ADGRL3: variants seen among roughly 807,000 people sequenced by gnomAD.
ADGRL3 encodes calcium-independent alpha-latrotoxin receptor 3.
Under a neutral mutation model 153.5 loss-of-function variants are expected in ADGRL3, and 62 were observed. The ratio of observed to expected loss-of-function variants is 0.40; its 90% CI spans 0.33 to 0.50. The LOEUF (loss-of-function observed/expected upper bound fraction) is 0.50. Among genes scored for constraint, ADGRL3 ranks in the 20% least tolerant of loss-of-function variants. The probability of loss-of-function intolerance (pLI) is 0.47; values close to 1 mark genes in which losing one functional copy is unlikely to be tolerated. For synonymous variants in ADGRL3, 710 were observed against 672.5 expected (o/e 1.06, Z -0.86); for missense variants, 1,641 against 1,859.4 (o/e 0.88, Z 2.16).
intron 6 of ADGRL3, among the ~76,000 whole-genome samples, chr4:61,695,435 T>G (rs2095623681): frequency 6.6e-6 from 1 of 152,192 alleles, no homozygotes; most frequent in Admixed American, 6.5e-5. Context: ...TCTCTTTTTC[T>G]GAGTAGCAGG....
intron 17 of ADGRL3, among the ~76,000 whole-genome samples, chr4:61,957,994 G>A (rs1581633252): frequency 1.3e-5 from 2 of 152,116 alleles, no homozygotes; most frequent in African/African-American, 4.8e-5. Flanking sequence ...AGAAATTGCT[G>A]CAGTTGTGCA....
At chr4:62,048,684 G>A (rs924193896) in intron 25 of ADGRL3, among the ~76,000 whole-genome samples, 1 of 151,856 alleles carries the variant, frequency 6.6e-6, no homozygotes, top group African/African-American at 2.4e-5. Context: ...AGGGTCCTGA[G>A]TAGCTAGAAC....
chr4:61,834,873 T>C (rs1240785112), intron 9 of ADGRL3, among the ~76,000 whole-genome samples: 1 of 152,122 alleles, frequency 6.6e-6, no homozygotes, highest in Non-Finnish European at 1.5e-5. Flanking sequence ...AAACCCAAAG[T>C]CAATCAGCGC....
At chr4:61,677,480 A>G in intron 6 of ADGRL3, 1 of 260,636 alleles carries the variant, frequency 3.8e-6, no homozygotes, top group Non-Finnish European at 7.5e-6. Context: ...TGTCTTTGCA[A>G]TGTTTTTATC....
rs113195495 is a variant in ADGRL3, at chr4:61,530,250, G to A, written c.259+12732G>A. Among the ~76,000 whole-genome samples, 120 of 152,160 alleles carry A rather than the reference G, an allele frequency of 7.9e-4. 1 individual carries two copies. The highest frequency in any genetic ancestry group is 2.7e-3 in the African/African-American group (114 of 41,548). On this transcript the variant is annotated intron_variant, in intron 4 of 26. Coordinates refer to ENST00000683033, the MANE Select transcript of ADGRL3 (RefSeq NM_001387552.1). The stretch of plus-strand genomic sequence containing the variant: ...AAGGGTAGTGAAGAAAATGCAGATA[G>A]CATTTCTGACTGTCTCTGCTGGTCA...
chr4:61,811,592 A>C (rs939918922), intron 8 of ADGRL3, among the ~76,000 whole-genome samples: 3 of 152,116 alleles, frequency 2.0e-5, no homozygotes, highest in Non-Finnish European at 4.4e-5. Context: ...ATATATTAAA[A>C]ACTATTGAAT....
In ADGRL3 at chr4:61,909,677, C is replaced by T. The variant is rs2098712725; in HGVS notation, c.2005C>T (p.Leu669Phe). Residue 669 changes from leucine to phenylalanine, a missense_variant, in exon 12 of 27, where the codon CTC becomes TTC. Physicochemically the swap from Leu to Phe is conservative, Grantham distance 22. This residue lies in a region of ADGRL3 where 734 missense variants were observed against 797.0 expected (regional missense o/e 0.92). Transcript: ENST00000683033. ...CCGGGCCATGGACCAGCTGGTAGGC[C>T]TCCTAGATGTACAGCTTCGGAACTT... ...SVRAMDQLVG[L>F]LDVQLRNLTP... 6 of 1,605,042 alleles carry T rather than the reference C, an allele frequency of 3.7e-6. No individual in the cohort carries two copies. Among genetic ancestry groups the T allele is most frequent in the Admixed American group, 1.7e-5 (1 of 58,636 alleles).
At chr4:61,489,696 T>C (rs1448317753) in intron 2 of ADGRL3, among the ~76,000 whole-genome samples, 1 of 152,034 alleles carries the variant, frequency 6.6e-6, no homozygotes, top group Admixed American at 6.6e-5. Flanking sequence ...ATCTAAATAA[T>C]AGTTTATTAA....
intron 2 of ADGRL3, among the ~76,000 whole-genome samples, chr4:61,396,120 A>T (rs1349882597): frequency 3.3e-5 from 5 of 151,958 alleles, no homozygotes; most frequent in African/African-American, 1.2e-4. Flanking sequence ...AGTGCTACCT[A>T]CAGTGTGCTT....
At chr4:61,692,994 C>A (rs904938380) in intron 6 of ADGRL3, among the ~76,000 whole-genome samples, 4 of 151,960 alleles carry the variant, frequency 2.6e-5, no homozygotes, top group Admixed American at 2.6e-4. Flanking sequence ...ACCAAAGTAA[C>A]CAAATTACTT....
chr4:61,531,260 T>C (rs2152956161), intron 4 of ADGRL3, among the ~76,000 whole-genome samples: 2 of 152,298 alleles, frequency 1.3e-5, no homozygotes, highest in South Asian at 4.1e-4. Flanking sequence ...TGCTACCACC[T>C]GCACCCTTAG....
chr4:61,487,744 A>G (rs968561683), intron 2 of ADGRL3, among the ~76,000 whole-genome samples: 3 of 152,070 alleles, frequency 2.0e-5, no homozygotes, highest in South Asian at 2.1e-4. Context: ...ATAACTAGTT[A>G]TCATGAATAT....
At chr4:61,827,442 C>A (rs1459921335) in intron 9 of ADGRL3, among the ~76,000 whole-genome samples, 1 of 152,088 alleles carries the variant, frequency 6.6e-6, no homozygotes, top group Non-Finnish European at 1.5e-5. Flanking sequence ...AGGTTATAAT[C>A]GATCTTTGTA....
At chr4:62,046,244 T>G (rs1384707592) in intron 25 of ADGRL3, among the ~76,000 whole-genome samples, 1 of 151,964 alleles carries the variant, frequency 6.6e-6, no homozygotes, top group Non-Finnish European at 1.5e-5. Flanking sequence ...ATGATTTTAA[T>G]GATGAATTGT....
At chr4:61,274,239 A>G (rs569707112) in intron 1 of ADGRL3, among the ~76,000 whole-genome samples, 1 of 152,352 alleles carries the variant, frequency 6.6e-6, no homozygotes, top group East Asian at 1.9e-4. Context: ...GTCATGAAGA[A>G]TCTCTAACAG....
intron 8 of ADGRL3, among the ~76,000 whole-genome samples, chr4:61,804,963 A>ATTTTTTTT (rs370949071): frequency 7.6e-5 from 11 of 144,024 alleles, no homozygotes; most frequent in African/African-American, 2.6e-4. Context: ...TTATTTATTT[A>ATTTTTTTT]TTTTTTTTTT....
chr4:61,940,035 G>T (rs1185984207), intron 15 of ADGRL3, among the ~76,000 whole-genome samples: 2 of 137,114 alleles, frequency 1.5e-5, no homozygotes, highest in Admixed American at 7.5e-5. Flanking sequence ...ACCCACTAAT[G>T]TGTCATCTAG....
At position 61,414,329 on chromosome 4, in the gene ADGRL3, A is replaced by G. The variant is rs566175718; in HGVS notation, c.-174+31140A>G. ...GCAATGCTTCTCAAACGTAAGATAC[A>G]TTGTCCCTTGTATGTGATTTAGAGA... On this transcript the variant is annotated intron_variant, in intron 2 of 26. Transcript: ENST00000683033. Among the ~76,000 whole-genome samples the G allele has an allele frequency of 3.3e-5, 5 of 152,310 alleles. No homozygotes were observed. In the South Asian group the frequency reaches 8.3e-4, roughly 25 times the overall value.
intron 24 of ADGRL3, among the ~76,000 whole-genome samples, chr4:62,039,605 T>C (rs1200232510): frequency 6.6e-6 from 1 of 152,142 alleles, no homozygotes; most frequent in Non-Finnish European, 1.5e-5. Flanking sequence ...CCAACTCAGA[T>C]GGATGGAAAT....
Sources: allele counts gnomAD v4.1 joint callset (sites outside exome capture counted in the v4.1 genomes callset), GRCh38; gene constraint gnomAD v4.1.1; regional missense constraint gnomAD v4.1.1; transcripts MANE v1.5; gene names NCBI Gene and HGNC (gene_info 2026-07-23, HGNC 2026-07-21).